Variants in OSBPL3 observed in about 807,000 individuals in gnomAD.
The protein encoded by OSBPL3 is oxysterol binding protein like 3.
OSBPL3 carries 65 observed loss-of-function variants against 120.1 expected under a neutral mutation model. The ratio of observed to expected loss-of-function variants is 0.54; its 90% CI spans 0.44 to 0.67. OSBPL3 has a LOEUF of 0.67. OSBPL3 is among the 30% of genes least tolerant of loss of function. The pLI is 0.00. For missense variants in OSBPL3, 1,004 were observed against 1,082.1 expected (o/e 0.93, Z 1.01); for synonymous variants, 416 against 402.6 (o/e 1.03, Z -0.40).
At chr7:24,902,674 C>T (rs1172268465) in intron 1 of OSBPL3, among the ~76,000 whole-genome samples, 1 of 148,668 alleles carries the variant, frequency 6.7e-6, no homozygotes, top group Non-Finnish European at 1.5e-5. Context: ...TTAAATGTCT[C>T]TTCTATGGTC....
intron 1 of OSBPL3, among the ~76,000 whole-genome samples, chr7:24,907,652 T>A (rs1217822804): frequency 6.6e-6 from 1 of 152,208 alleles, no homozygotes; most frequent in Non-Finnish European, 1.5e-5. Flanking sequence ...TGTGGCAAAG[T>A]CCTCCATCTT....
intron 1 of OSBPL3, among the ~76,000 whole-genome samples, chr7:24,960,375 C>T (rs1005208142): frequency 2.0e-5 from 3 of 152,076 alleles, no homozygotes; most frequent in Admixed American, 6.6e-5. Context: ...CCACAACCCA[C>T]GTACAAATAC....
At chr7:24,865,504 C>A in intron 6 of OSBPL3, 39 bp from the exon 7 acceptor site, 1 of 1,605,484 alleles carries the variant, frequency 6.2e-7, no homozygotes, top group Non-Finnish European at 8.5e-7. Flanking sequence ...TAAATGGAAA[C>A]AGAGCCCATT....
intron 1 of OSBPL3, among the ~76,000 whole-genome samples, chr7:24,943,188 A>G (rs1293874143): frequency 6.6e-6 from 1 of 152,122 alleles, no homozygotes; most frequent in Non-Finnish European, 1.5e-5. Context: ...TGAATTCACT[A>G]ATTTATGTCC....
rs1246216276 is a variant in OSBPL3 at position 24,834,110 on chromosome 7, G to T, written c.1746+376C>A. On this transcript the variant is annotated intron_variant, in intron 15 of 22. Coordinates refer to ENST00000313367, the MANE Select transcript of OSBPL3 (RefSeq NM_015550.4). The surrounding 1 kb of genome is among the most constrained non-coding windows in gnomAD (Gnocchi z 5.2). Reference sequence around the variant, plus strand: ...ACCCTGGATGAGAAAAACAGCTCGAGAAATTAAATTCTGTCCACCCAGGGA... The same window carrying T: ...ACCCTGGATGAGAAAAACAGCTCGATAAATTAAATTCTGTCCACCCAGGGA... 1 of 1,000,548 alleles carries T rather than the reference G, an allele frequency of 1.0e-6. No homozygotes were observed. Among genetic ancestry groups the T allele is most frequent in the East Asian group, 1.1e-4 (1 of 9,108 alleles). 62.0% of individuals were successfully genotyped at this position (1,000,548 alleles called of 1,614,324 possible).
At chr7:24,810,562 C>T (rs192152402) in intron 19 of OSBPL3, among the ~76,000 whole-genome samples, 82 of 152,100 alleles carry the variant, frequency 5.4e-4, no homozygotes, top group Non-Finnish European at 1.1e-3. Flanking sequence ...AAAACAAAAA[C>T]TCTCTCAGCA....
chr7:24,900,707 C>T lies in OSBPL3; in HGVS notation c.-149-8086G>A, dbSNP rs1049674860. On this transcript the variant is annotated intron_variant, in intron 1 of 22. Coordinates refer to ENST00000313367, the MANE Select transcript of OSBPL3 (RefSeq NM_015550.4). This position sits in a 1 kb window ranked among gnomAD's most constrained non-coding sequence, Gnocchi z 4.5. ...GGCTGGCCAGGCGTGGTGGCTCATG[C>T]CTGTAATCCCAGCACTTTGGGAGGC... Among the ~76,000 whole-genome samples, 4 of 152,198 alleles carry T rather than the reference C, an allele frequency of 2.6e-5. No individual in the cohort carries two copies. The highest frequency in any genetic ancestry group is 9.7e-5 in the African/African-American group (4 of 41,436).
At chr7:24,839,093 A>G (rs1197030436) in intron 14 of OSBPL3, among the ~76,000 whole-genome samples, 1 of 152,178 alleles carries the variant, frequency 6.6e-6, no homozygotes, top group Non-Finnish European at 1.5e-5. Flanking sequence ...ATAACAATTC[A>G]TCCGTTCACA....
chr7:24,885,572 C>T (rs1029864589), intron 2 of OSBPL3, among the ~76,000 whole-genome samples: 2 of 152,214 alleles, frequency 1.3e-5, no homozygotes, highest in Non-Finnish European at 2.9e-5. Flanking sequence ...TTCAAAACCC[C>T]TGCAATCATG....
intron 1 of OSBPL3, among the ~76,000 whole-genome samples, chr7:24,950,933 T>G (rs1174927855): frequency 4.6e-5 from 7 of 151,880 alleles, no homozygotes; most frequent in Admixed American, 1.3e-4. Context: ...TGAACTTGAG[T>G]TGAAAAAAAA....
intron 1 of OSBPL3, among the ~76,000 whole-genome samples, chr7:24,935,016 T>C (rs922810633): frequency 6.6e-6 from 1 of 152,168 alleles, no homozygotes. Context: ...TCAAAAAATA[T>C]GTACAAGGTT....
At chr7:24,919,802 T>C (rs1407053370) in intron 1 of OSBPL3, among the ~76,000 whole-genome samples, 4 of 148,870 alleles carry the variant, frequency 2.7e-5, no homozygotes, top group African/African-American at 7.5e-5. Flanking sequence ...CTCTTACAAC[T>C]CAATAATAAA....
Position 24,863,682 on chromosome 7 carries a change from C to T in OSBPL3, c.674-83G>A, listed in dbSNP as rs1224333230. 1.1e-6 allele frequency: 1 copy of T among 879,686 alleles called. No homozygotes were observed. Among genetic ancestry groups the T allele is most frequent in the South Asian group, 1.5e-5 (1 of 67,706 alleles). 54.5% of individuals were successfully genotyped at this position (879,686 alleles called of 1,614,324 possible). On this transcript the variant is annotated intron_variant, in intron 7 of 22. Transcript: ENST00000313367. This position sits in a 1 kb window ranked among gnomAD's most constrained non-coding sequence, Gnocchi z 5.8. ...GCTGTCCCCATGCCAGCTACTTTTCCTTATTTATCTGTAGTTGATTTTTTT... is the reference window on the plus strand; with the variant it reads ...GCTGTCCCCATGCCAGCTACTTTTCTTTATTTATCTGTAGTTGATTTTTTT...
chr7:24,837,143 T>C (rs777491275), intron 14 of OSBPL3, among the ~76,000 whole-genome samples: 8 of 152,266 alleles, frequency 5.3e-5, no homozygotes, highest in Middle Eastern at 3.4e-3. Context: ...CCTGTTTTAG[T>C]TGCTTAATAT....
chr7:24,925,679 T>C (rs116), intron 1 of OSBPL3, among the ~76,000 whole-genome samples: 94,978 of 152,188 alleles, frequency 0.62, 30,398 homozygotes, highest in East Asian at 0.91. Context: ...GAACGTTTCA[T>C]CGCTTTTCTC....
At chr7:24,960,521 TA>T (rs1477379128) in intron 1 of OSBPL3, among the ~76,000 whole-genome samples, 1 of 152,320 alleles carries the variant, frequency 6.6e-6, no homozygotes, top group Non-Finnish European at 1.5e-5. Context: ...GGCAGATTTT[TA>T]AAAATCTTTT....
chr7:24,816,781 T>C (rs1794527018), intron 17 of OSBPL3, 93 bp from the exon 18 acceptor site: 1 of 813,390 alleles, frequency 1.2e-6, no homozygotes, highest in East Asian at 2.5e-5. Context: ...CGCTATATAG[T>C]ACAACCTCTT....
At chr7:24,842,884 C>CATA (rs1797956371) in intron 12 of OSBPL3, among the ~76,000 whole-genome samples, 1 of 152,210 alleles carries the variant, frequency 6.6e-6, no homozygotes, top group Non-Finnish European at 1.5e-5. Flanking sequence ...TGAGGTGTCC[C>CATA]TTGACAAATA....
chr7:24,831,229 T>C lies in OSBPL3; in HGVS notation c.1747-324A>G, dbSNP rs748316153. On this transcript the variant is annotated intron_variant, in intron 15 of 22. Transcript: ENST00000313367. The surrounding 1 kb of genome is among the most constrained non-coding windows in gnomAD (Gnocchi z 4.0). Reference sequence around the variant, plus strand: ...AAGCTGAGTCCAGTACTTTTAAGCCTGACAGTATCTGAGGATCCTAATATG... The same window carrying C: ...AAGCTGAGTCCAGTACTTTTAAGCCCGACAGTATCTGAGGATCCTAATATG... Among the ~76,000 whole-genome samples, 49 of 152,172 alleles carry C rather than the reference T, an allele frequency of 3.2e-4. No individual in the cohort carries two copies. Among genetic ancestry groups the C allele is most frequent in the Non-Finnish European group, 6.3e-4 (43 of 68,028 alleles).
Sources: allele counts gnomAD v4.1 joint callset (sites outside exome capture counted in the v4.1 genomes callset), GRCh38; gene constraint gnomAD v4.1.1; non-coding constraint Gnocchi (gnomAD v3.1); transcripts MANE v1.5; gene names NCBI Gene and HGNC (gene_info 2026-07-23, HGNC 2026-07-21).